Variants in CCDC34 observed in about 807,000 individuals in gnomAD.
The protein encoded by CCDC34 is coiled-coil domain-containing protein 34.
Under a neutral mutation model 44.1 loss-of-function variants are expected in CCDC34, and 40 were observed. That is an observed-to-expected ratio of 0.91 (90% CI 0.70 to 1.18). CCDC34 has a LOEUF of 1.18. CCDC34 is among the 50% of genes most tolerant of loss of function. The pLI is 0.00. For missense variants in CCDC34, 466 were observed against 452.3 expected (o/e 1.03, Z -0.28); for synonymous variants, 159 against 158.2 (o/e 1.01, Z -0.04).
intron 5 of CCDC34, 99 bp downstream of exon 5, chr11:27,340,597 A>G: frequency 8.1e-7 from 1 of 1,239,580 alleles, no homozygotes; most frequent in Non-Finnish European, 1.1e-6. Context: ...GTAATTTGAA[A>G]GAAAAATAAT....
Position 27,350,426 on chromosome 11 carries a change from T to C in CCDC34, c.512A>G (p.Gln171Arg), listed in dbSNP as rs1590327196. The C allele has an allele frequency of 1.2e-6, 2 of 1,603,302 alleles. No individual in the cohort carries two copies. The highest frequency in any genetic ancestry group is 1.7e-6 in the Non-Finnish European group (2 of 1,173,726). The stretch of plus-strand genomic sequence containing the variant: ...TTCCATTTCTTTTCTTTTTTCTAGT[T>C]GTTGATTTAATTCCTGTGGATTTTA... ...QLKALEELNQ[Q>R]LEKRKEMEER... is the part of the protein sequence containing the mutation. Residue 171 changes from glutamine to arginine, a missense_variant, in exon 3 of 6, where the codon CAA (glutamine) becomes CGA (arginine). Physicochemically the swap from Gln to Arg is conservative, Grantham distance 43. Transcript: ENST00000328697.
At chr11:27,355,620 T>C (rs1862563968) in intron 2 of CCDC34, among the ~76,000 whole-genome samples, 1 of 152,242 alleles carries the variant, frequency 6.6e-6, no homozygotes, top group South Asian at 2.1e-4. Flanking sequence ...GACACAGGTA[T>C]TATTTTATTC....
At chr11:27,357,110 A>T (rs1359498496) in intron 2 of CCDC34, among the ~76,000 whole-genome samples, 1 of 152,208 alleles carries the variant, frequency 6.6e-6, no homozygotes, top group African/African-American at 2.4e-5. Context: ...AATAATTTAC[A>T]TAGAAGAAAA....
chr11:27,345,608 C>T (rs58966005), intron 3 of CCDC34, among the ~76,000 whole-genome samples: 2 of 152,042 alleles, frequency 1.3e-5, no homozygotes, highest in Non-Finnish European at 2.9e-5. Flanking sequence ...CTACAAAGGA[C>T]ATGAACTCAT....
intron 3 of CCDC34, among the ~76,000 whole-genome samples, chr11:27,345,622 T>A (rs1326376738): frequency 1.3e-5 from 2 of 152,176 alleles, no homozygotes; most frequent in African/African-American, 2.4e-5. Context: ...AACTCATCAT[T>A]TTTTATGGCT....
intron 2 of CCDC34, 130 bp from the exon 3 acceptor site, chr11:27,350,569 TGGCA>T (rs1862493720): frequency 1.3e-6 from 1 of 779,196 alleles, no homozygotes; most frequent in Admixed American, 3.1e-5. Context: ...ATGCCACTAG[TGGCA>T]ATAACTTACT....
chr11:27,350,351 A>T lies in CCDC34; in HGVS notation c.587T>A (p.Val196Asp). 6 of 1,613,866 alleles carry T rather than the reference A, an allele frequency of 3.7e-6. No individual in the cohort carries two copies. The highest frequency in any genetic ancestry group is 5.1e-6 in the Non-Finnish European group (6 of 1,179,926). ...IIAEEKHKEW[V>D]QKKNEQKRKE... is the part of the protein sequence containing the mutation. ...CCTTACTTGCTCATTCTTTTTCTGAACCCATTCCTTGTGCTTTTCTTCAGC... is the reference window on the plus strand; with the variant it reads ...CCTTACTTGCTCATTCTTTTTCTGATCCCATTCCTTGTGCTTTTCTTCAGC... The change falls in exon 3 of 6, where the codon GTT becomes GAT. Residue 196 changes from valine to aspartate, a missense_variant. Val to Asp is a radical substitution (Grantham distance 152). Transcript: ENST00000328697.
Position 27,338,791 on chromosome 11 carries a change from C to A in CCDC34, c.*30G>T. On this transcript the variant is annotated 3_prime_UTR_variant, in exon 6 of 6. Coordinates refer to ENST00000328697, the MANE Select transcript of CCDC34 (RefSeq NM_030771.2). ...TTCTGATTTTTAAATTAAATAGCTC[C>A]AGATAAAAGCATGTTATTTTCCACA... The A allele has an allele frequency of 6.5e-7, 1 of 1,538,050 alleles. No individual in the cohort carries two copies. Among genetic ancestry groups the A allele is most frequent in the Non-Finnish European group, 9.0e-7 (1 of 1,117,040 alleles).
intron 2 of CCDC34, among the ~76,000 whole-genome samples, chr11:27,353,393 T>C (rs1862531051): frequency 6.6e-6 from 1 of 151,440 alleles, no homozygotes; most frequent in Non-Finnish European, 1.5e-5. Context: ...GATTATAATA[T>C]TAAAGCAAAT....
At chr11:27,339,729 A>G (rs1862326627) in intron 5 of CCDC34, among the ~76,000 whole-genome samples, 1 of 152,258 alleles carries the variant, frequency 6.6e-6, no homozygotes, top group Non-Finnish European at 1.5e-5. Context: ...CATAAAGAAT[A>G]AAGAAACTTA....
rs1392495104 is a variant in CCDC34, at chr11:27,340,915, T to G, written c.766-78A>C. ...CCATTCAAATTCTACTGATTTTTTT[T>G]TCTCCAGTAGCTTCCTACCCCAATG... On this transcript the variant is annotated intron_variant, in intron 4 of 5. Coordinates refer to ENST00000328697, the MANE Select transcript of CCDC34 (RefSeq NM_030771.2). 2.1e-6 allele frequency: 3 copies of G among 1,406,872 alleles called. No individual in the cohort carries two copies. The East Asian group carries it at 6.8e-5, about 32-fold the overall frequency. 87.1% of individuals were successfully genotyped at this position (1,406,872 alleles called of 1,614,324 possible).
At chr11:27,340,862 T>G (rs1403760450) in intron 4 of CCDC34, 25 bp from the exon 5 acceptor site, 2 of 1,605,858 alleles carry the variant, frequency 1.2e-6, no homozygotes, top group Non-Finnish European at 1.7e-6. Context: ...ACCAAAATAT[T>G]TCCAGGGATA....
chr11:27,362,634 G>A (rs1435109161), intron 1 of CCDC34, among the ~76,000 whole-genome samples: 2 of 152,136 alleles, frequency 1.3e-5, no homozygotes, highest in African/African-American at 4.8e-5. Context: ...AGGAAAAAAG[G>A]ATTAAGAGCC....
intron 1 of CCDC34, among the ~76,000 whole-genome samples, chr11:27,360,529 A>T (rs1346932550): frequency 6.6e-6 from 1 of 152,206 alleles, no homozygotes; most frequent in African/African-American, 2.4e-5. Flanking sequence ...ACACAGCTCT[A>T]GGTTGCTCTC....
intron 2 of CCDC34, among the ~76,000 whole-genome samples, chr11:27,351,200 C>G (rs1862499961): frequency 6.6e-6 from 1 of 152,158 alleles, no homozygotes; most frequent in Non-Finnish European, 1.5e-5. Context: ...GGTTATTTTT[C>G]TTCTCCGTCT....
chr11:27,354,173 AAG>A lies in CCDC34; in HGVS notation c.498+3228_498+3229del, dbSNP rs1862540670. On this transcript the variant is annotated intron_variant, in intron 2 of 5. Coordinates refer to ENST00000328697, the MANE Select transcript of CCDC34 (RefSeq NM_030771.2). ...GATATCCCTGGCATAACTGATATGTAAGAGTCATGCTAAAACTGAATCACTTC... is the reference window on the plus strand; with the variant it reads ...GATATCCCTGGCATAACTGATATGTAAGTCATGCTAAAACTGAATCACTTC... 2.0e-5 allele frequency among the ~76,000 whole-genome samples: 3 copies of A among 152,226 alleles called. No homozygotes were observed. The South Asian group carries it at 6.2e-4, about 32-fold the overall frequency.
chr11:27,346,137 G>A (rs950801370), intron 3 of CCDC34, among the ~76,000 whole-genome samples: 2 of 151,880 alleles, frequency 1.3e-5, no homozygotes, highest in Non-Finnish European at 2.9e-5. Context: ...ATTAATCAGT[G>A]CTTCTTCTTG....
At chr11:27,340,931 T>A in intron 4 of CCDC34, 94 bp from the exon 5 acceptor site, 1 of 1,135,762 alleles carries the variant, frequency 8.8e-7, no homozygotes, top group Non-Finnish European at 1.3e-6. Context: ...AGTAGCTTCC[T>A]ACCCCAATGG....
intron 2 of CCDC34, 37 bp from the exon 3 acceptor site, chr11:27,350,476 A>G: frequency 6.5e-7 from 1 of 1,528,474 alleles, no homozygotes; most frequent in Non-Finnish European, 8.9e-7. Context: ...AACATTTAAT[A>G]GAAGTACCCA....
Sources: allele counts gnomAD v4.1 joint callset (sites outside exome capture counted in the v4.1 genomes callset), GRCh38; gene constraint gnomAD v4.1.1; transcripts MANE v1.5; gene names NCBI Gene and HGNC (gene_info 2026-07-23, HGNC 2026-07-21).